The following TENM3 variants were observed in gnomAD, a reference collection of about 807,000 sequenced individuals.
The protein encoded by TENM3 is teneurin transmembrane protein 3.
A neutral mutation model predicts 255.1 loss-of-function variants in TENM3; 63 were observed. That is an observed-to-expected ratio of 0.25 (90% confidence interval 0.20 to 0.30). The LOEUF is 0.30. Among genes scored for constraint, TENM3 ranks in the 10% least tolerant of loss-of-function variants. The probability of loss-of-function intolerance (pLI) is 1.00; values close to 1 mark genes in which losing one functional copy is unlikely to be tolerated. For missense variants in TENM3, 2,929 were observed against 3,461.1 expected (o/e 0.85, Z 3.86); for synonymous variants, 1,306 against 1,322.3 (o/e 0.99, Z 0.27).
chr4:181,848,495 C>T, the TENM3 span, among the ~76,000 whole-genome samples: 42 of 152,242 alleles, frequency 2.8e-4, no homozygotes, highest in Non-Finnish European at 4.1e-4. Flanking sequence ...ACTCAGTATC[C>T]AACTCAGTTA....
At chr4:182,354,248 C>T (rs1041100123) in intron 3 of TENM3, among the ~76,000 whole-genome samples, 7 of 152,056 alleles carry the variant, frequency 4.6e-5, no homozygotes, top group Admixed American at 1.3e-4. Flanking sequence ...TCTAAATGTT[C>T]TTTTAGTTGT....
At chr4:182,753,701 T>A in intron 21 of TENM3, 97 bp downstream of exon 21, 2 of 1,178,898 alleles carry the variant, frequency 1.7e-6, no homozygotes, top group South Asian at 3.1e-5. Context: ...ACTGCATATA[T>A]CATGTGTTGC....
chr4:181,560,368 G>A, the TENM3 span, among the ~76,000 whole-genome samples: 2 of 152,218 alleles, frequency 1.3e-5, no homozygotes. Context: ...GTTAGGGGGT[G>A]TGGGGACACA....
chr4:182,761,388 C>T (rs997703416), intron 22 of TENM3, among the ~76,000 whole-genome samples: 2 of 151,480 alleles, frequency 1.3e-5, no homozygotes, highest in African/African-American at 4.9e-5. Flanking sequence ...CACTGCACTC[C>T]AGCCTGGGTG....
the TENM3 span, among the ~76,000 whole-genome samples, chr4:181,802,608 G>A: frequency 2.3e-4 from 35 of 152,278 alleles, no homozygotes; most frequent in South Asian, 7.2e-3. Flanking sequence ...ATAGTTTTGA[G>A]ACTATCTTGA....
the TENM3 span, among the ~76,000 whole-genome samples, chr4:181,918,850 C>T: frequency 3.8e-4 from 58 of 152,132 alleles, no homozygotes; most frequent in Middle Eastern, 3.4e-3. Flanking sequence ...GAAATGGACC[C>T]TATTCCTCAA....
the TENM3 span, among the ~76,000 whole-genome samples, chr4:181,801,683 T>TATATATAC: frequency 9.7e-6 from 1 of 102,930 alleles, no homozygotes; most frequent in Non-Finnish European, 1.9e-5. Flanking sequence ...TATATATATA[T>TATATATAC]ATATATATAT....
At chr4:181,970,113 T>C in the TENM3 span, among the ~76,000 whole-genome samples, 5 of 152,230 alleles carry the variant, frequency 3.3e-5, no homozygotes, top group Non-Finnish European at 7.3e-5. Flanking sequence ...TCATCTCAAA[T>C]ATTTGTTTAT....
chr4:182,297,078 A>G (rs1044687176), intron 1 of TENM3, among the ~76,000 whole-genome samples: 1 of 152,228 alleles, frequency 6.6e-6, no homozygotes, highest in Admixed American at 6.5e-5. Context: ...TGCCAATAGT[A>G]TTATTCACCT....
the TENM3 span, among the ~76,000 whole-genome samples, chr4:181,905,596 G>GA: frequency 1.4e-5 from 2 of 146,412 alleles, no homozygotes; most frequent in Non-Finnish European, 3.0e-5. Flanking sequence ...TACTATGAAA[G>GA]AAAAAAATTA....
At chr4:181,734,307 C>T in the TENM3 span, among the ~76,000 whole-genome samples, 1 of 151,818 alleles carries the variant, frequency 6.6e-6, no homozygotes, top group Non-Finnish European at 1.5e-5. Flanking sequence ...ATCTGTTTTG[C>T]TCATTTTTTT....
At chr4:182,063,582 A>G in the TENM3 span, among the ~76,000 whole-genome samples, 365 of 152,332 alleles carry the variant, frequency 2.4e-3, 3 homozygotes, top group Non-Finnish European at 4.0e-3. Flanking sequence ...ATAAAATCCA[A>G]TCTTATAAAT....
At chr4:182,361,573 G>A (rs1765985890) in intron 3 of TENM3, among the ~76,000 whole-genome samples, 1 of 151,890 alleles carries the variant, frequency 6.6e-6, no homozygotes, top group South Asian at 2.1e-4. Flanking sequence ...AGCTCCATCA[G>A]CTCCTTTAAG....
intron 3 of TENM3, among the ~76,000 whole-genome samples, chr4:182,355,969 C>G (rs1765498233): frequency 6.6e-6 from 1 of 150,516 alleles, no homozygotes; most frequent in South Asian, 2.1e-4. Flanking sequence ...ACTCTGTGAT[C>G]TATATTATTG....
chr4:182,292,901 A>G (rs913699743), intron 1 of TENM3, among the ~76,000 whole-genome samples: 1 of 152,168 alleles, frequency 6.6e-6, no homozygotes, highest in Non-Finnish European at 1.5e-5. Flanking sequence ...GGAGGAGTTA[A>G]CTAGGGGGAG....
In TENM3 at chr4:182,754,578, C is replaced by A; in HGVS notation, c.4211C>A (p.Ser1404Ter). 1 of 1,613,974 alleles carries A rather than the reference C, an allele frequency of 6.2e-7. No homozygotes were observed. Residue 1404 changes from serine to a stop codon, truncating the protein, a stop_gained, in exon 22 of 28, where the codon TCA becomes TAA. Coordinates refer to ENST00000511685, the MANE Select transcript of TENM3 (RefSeq NM_001080477.4). LOFTEE classifies it high-confidence loss of function. The surrounding 1 kb of genome is among the most constrained non-coding windows in gnomAD (Gnocchi z 5.1). ...CACGCGGTGCAGACAACACTGGAATCAGCCACTGCCATTGCTGTGTCCTAC... is the reference window on the plus strand; with the variant it reads ...CACGCGGTGCAGACAACACTGGAATAAGCCACTGCCATTGCTGTGTCCTAC... ...GKHAVQTTLE[S>*]ATAIAVSYSG...
intron 1 of TENM3, among the ~76,000 whole-genome samples, chr4:182,160,837 C>T (rs997070825): frequency 3.3e-5 from 5 of 151,932 alleles, no homozygotes; most frequent in Non-Finnish European, 7.4e-5. Context: ...ATGTTCTCAC[C>T]ACAAAGAAAT....
chr4:181,460,998 T>C, the TENM3 span, among the ~76,000 whole-genome samples: 1 of 152,198 alleles, frequency 6.6e-6, no homozygotes, highest in African/African-American at 2.4e-5. Flanking sequence ...ATTTCTGACT[T>C]TATGATTTTC....
At chr4:181,838,145 AAAAAAAG>A in the TENM3 span, among the ~76,000 whole-genome samples, 2 of 75,544 alleles carry the variant, frequency 2.6e-5, no homozygotes, top group Non-Finnish European at 2.8e-5. Context: ...TCTCAAAAAA[AAAAAAAG>A]AAAGAAAGAA....
Sources: allele counts gnomAD v4.1 joint callset (sites outside exome capture counted in the v4.1 genomes callset), GRCh38; gene constraint gnomAD v4.1.1; non-coding constraint Gnocchi (gnomAD v3.1); transcripts MANE v1.5; gene names NCBI Gene and HGNC (gene_info 2026-07-23, HGNC 2026-07-21).